The following ZFHX3 variants were observed in gnomAD, a reference collection of about 807,000 sequenced individuals.
ZFHX3 encodes zinc finger homeobox 3.
ZFHX3 carries 42 observed loss-of-function variants against 279.1 expected under a neutral mutation model. That is an observed-to-expected ratio of 0.15 (90% CI 0.12 to 0.19). The LOEUF (loss-of-function observed/expected upper bound fraction) is 0.19, where lower values mean the gene tolerates loss of function less well. Among genes scored for constraint, ZFHX3 ranks in the 10% least tolerant of loss-of-function variants. The probability of loss-of-function intolerance (pLI) is 1.00; values close to 1 mark genes in which losing one functional copy is unlikely to be tolerated. For missense variants in ZFHX3, 4,981 were observed against 4,754.0 expected (o/e 1.05, Z -1.40); for synonymous variants, 2,293 against 1,957.8 (o/e 1.17, Z -4.52).
intron 2 of ZFHX3, 144 bp from the exon 3 acceptor site, chr16:72,951,109 T>C (rs1960975916): frequency 2.6e-6 from 3 of 1,174,476 alleles, no homozygotes; most frequent in Non-Finnish European, 3.5e-6. Context: ...GGCTACTGGC[T>C]GGAAAACAAG....
chr16:73,346,337 C>T (rs767320082), intron 3 of ZFHX3, among the ~76,000 whole-genome samples: 3 of 152,214 alleles, frequency 2.0e-5, no homozygotes, highest in East Asian at 3.9e-4. Flanking sequence ...TCTGTCCTCT[C>T]GCCACCATGG....
At chr16:73,800,068 ATTAT>A (rs929057458) in intron 1 of ZFHX3, among the ~76,000 whole-genome samples, 2 of 152,142 alleles carry the variant, frequency 1.3e-5, no homozygotes, top group Non-Finnish European at 2.9e-5. Flanking sequence ...ATGTTTAATA[ATTAT>A]TTAATAATTG....
intron 3 of ZFHX3, among the ~76,000 whole-genome samples, chr16:72,912,153 A>G (rs938606899): frequency 2.0e-5 from 3 of 152,212 alleles, no homozygotes; most frequent in Non-Finnish European, 4.4e-5. Flanking sequence ...ACGCTGGCTG[A>G]AGGGTAGACA....
rs756191578 is a variant in ZFHX3, at chr16:72,950,984, GGAGA to G, written c.2720-23_2720-20del. 1 of 1,602,094 alleles carries G rather than the reference GGAGA, an allele frequency of 6.2e-7. No individual in the cohort carries two copies. ...CCGCCCACTGCAGGGAAGGAGAGAA[GGAGA>G]GAGTCAGACACCAGGCTCATGGTCA... On this transcript the variant is annotated intron_variant, in intron 2 of 9. Coordinates refer to ENST00000268489, the MANE Select transcript of ZFHX3 (RefSeq NM_006885.4).
chr16:73,090,623 A>C (rs1270244547), intron 8 of ZFHX3, among the ~76,000 whole-genome samples: 1 of 151,686 alleles, frequency 6.6e-6, no homozygotes, highest in South Asian at 2.1e-4. Flanking sequence ...GTGGTGGTTC[A>C]TGCCTGTAAT....
At chr16:73,619,785 A>C (rs975384459) in intron 2 of ZFHX3, among the ~76,000 whole-genome samples, 5 of 151,892 alleles carry the variant, frequency 3.3e-5, no homozygotes, top group Non-Finnish European at 7.4e-5. Context: ...CTTCCACAAA[A>C]CTATCACTGG....
chr16:72,876,431 C>G (rs561385205), intron 4 of ZFHX3, among the ~76,000 whole-genome samples: 2 of 152,106 alleles, frequency 1.3e-5, no homozygotes, highest in African/African-American at 2.4e-5. Context: ...TACGATTCAG[C>G]GCAGTCACCG....
chr16:72,998,028 G>C (rs1410847301), intron 1 of ZFHX3, among the ~76,000 whole-genome samples: 3 of 152,156 alleles, frequency 2.0e-5, no homozygotes, highest in Non-Finnish European at 4.4e-5. Context: ...GCTGCAGTGA[G>C]CCATGATTGC....
chr16:73,715,807 C>T (rs12926254), intron 1 of ZFHX3, among the ~76,000 whole-genome samples: 117,095 of 151,812 alleles, frequency 0.77, 47,873 homozygotes, highest in Non-Finnish European at 0.91. Flanking sequence ...CTCCTGACGT[C>T]GTGATCCACC....
chr16:73,068,846 T>C (rs772211439), intron 8 of ZFHX3, among the ~76,000 whole-genome samples: 1 of 152,208 alleles, frequency 6.6e-6, no homozygotes, highest in Non-Finnish European at 1.5e-5. Context: ...TAGGGAAGGC[T>C]GTGGGTGGGG....
At chr16:72,926,014 C>G (rs1959430883) in intron 3 of ZFHX3, among the ~76,000 whole-genome samples, 1 of 152,182 alleles carries the variant, frequency 6.6e-6, no homozygotes, top group Non-Finnish European at 1.5e-5. Context: ...TAACTGAGAC[C>G]TATTTTCACG....
chr16:73,549,712 C>T (rs1169296660), intron 2 of ZFHX3, among the ~76,000 whole-genome samples: 1 of 152,150 alleles, frequency 6.6e-6, no homozygotes, highest in Non-Finnish European at 1.5e-5. Flanking sequence ...GAAAATGCCC[C>T]GGGTCTCCTT....
At chr16:73,691,664 T>G (rs907064278) in intron 1 of ZFHX3, among the ~76,000 whole-genome samples, 2 of 152,226 alleles carry the variant, frequency 1.3e-5, no homozygotes, top group African/African-American at 4.8e-5. Context: ...ACATCAGGCT[T>G]ACAGAGATTA....
intron 2 of ZFHX3, among the ~76,000 whole-genome samples, chr16:73,529,935 G>GT (rs759780323): frequency 4.3e-5 from 3 of 69,724 alleles, no homozygotes; most frequent in Admixed American, 1.8e-4. Flanking sequence ...GAAGTATTTT[G>GT]GGTGTGTGTG....
intron 1 of ZFHX3, among the ~76,000 whole-genome samples, chr16:73,841,359 G>A (rs892974548): frequency 6.6e-6 from 1 of 152,272 alleles, no homozygotes; most frequent in East Asian, 1.9e-4. Flanking sequence ...TGGGTGCACA[G>A]CAGGGGTTCA....
chr16:73,251,700 T>C (rs1427698082), intron 5 of ZFHX3, among the ~76,000 whole-genome samples: 3 of 118,806 alleles, frequency 2.5e-5, no homozygotes, highest in African/African-American at 5.7e-5. Context: ...CACACACACA[T>C]GCACACACAC....
chr16:73,335,725 A>C (rs1315582183), intron 3 of ZFHX3, among the ~76,000 whole-genome samples: 7 of 152,130 alleles, frequency 4.6e-5, no homozygotes, highest in Admixed American at 4.6e-4. Context: ...TTGTGATTTG[A>C]ATTGAAAGGG....
At chr16:73,479,210 T>C (rs1382586283) in intron 2 of ZFHX3, among the ~76,000 whole-genome samples, 1 of 152,036 alleles carries the variant, frequency 6.6e-6, no homozygotes, top group Non-Finnish European at 1.5e-5. Flanking sequence ...TTCAGAAAAA[T>C]AAGTGTTGCT....
At chr16:73,633,679 G>C (rs2142149448) in intron 2 of ZFHX3, among the ~76,000 whole-genome samples, 1 of 152,282 alleles carries the variant, frequency 6.6e-6, no homozygotes, top group South Asian at 2.1e-4. Context: ...GGCGTGGATT[G>C]GCATGGACTT....
Sources: gnomAD v4.1 joint callset for allele counts (sites outside exome capture counted in the v4.1 genomes callset) on GRCh38, gnomAD v4.1.1 for gene constraint, MANE v1.5 for transcripts, NCBI Gene and HGNC (gene_info 2026-07-23, HGNC 2026-07-21) for gene names.